XXYLT1: variants seen among roughly 807,000 people sequenced by gnomAD.
XXYLT1 encodes xyloside xylosyltransferase 1.
A neutral mutation model predicts 28.9 loss-of-function variants in XXYLT1; 20 were observed. That is an observed-to-expected ratio of 0.69 (90% confidence interval 0.49 to 1.00). The LOEUF is 1.00. Ranked by LOEUF, XXYLT1 falls within the 50% of genes least tolerant of loss-of-function variation. The pLI is 0.00. For missense variants in XXYLT1, 542 were observed against 560.1 expected (o/e 0.97, Z 0.33); for synonymous variants, 257 against 253.8 (o/e 1.01, Z -0.12).
chr3:195,248,048 C>G (rs1012773326), intron 1 of XXYLT1: 2 of 519,596 alleles, frequency 3.8e-6, no homozygotes, highest in Non-Finnish European at 6.9e-6. Flanking sequence ...TTATCAGCCA[C>G]TTTCCAAGGC....
At chr3:195,248,102 G>C (rs552300776) in intron 1 of XXYLT1, among the ~76,000 whole-genome samples, 1 of 152,140 alleles carries the variant, frequency 6.6e-6, no homozygotes, top group East Asian at 1.9e-4. Flanking sequence ...TCCAGTGCTC[G>C]CTGAGATTGG....
intron 1 of XXYLT1, 122 bp downstream of exon 1, chr3:195,270,433 A>C (rs1725981485): frequency 3.7e-6 from 5 of 1,338,130 alleles, no homozygotes; most frequent in Non-Finnish European, 3.8e-6. Context: ...CTACATTGCA[A>C]GCGGGCAGCT....
chr3:195,112,514 CCACACACACA>C (rs367884630), intron 3 of XXYLT1, among the ~76,000 whole-genome samples: 4,128 of 43,560 alleles, frequency 0.095, 69 homozygotes, highest in Non-Finnish European at 0.21. Context: ...CCACACACAC[CCACACACACA>C]CACAGAGCCC....
At chr3:195,250,293 T>C (rs779892056) in intron 1 of XXYLT1, among the ~76,000 whole-genome samples, 12 of 152,218 alleles carry the variant, frequency 7.9e-5, no homozygotes, top group Non-Finnish European at 1.5e-4. Flanking sequence ...CCGGGCGTGT[T>C]GGCTTACACC....
intron 2 of XXYLT1, among the ~76,000 whole-genome samples, chr3:195,181,377 A>C (rs1721948156): frequency 6.6e-6 from 1 of 151,944 alleles, no homozygotes; most frequent in South Asian, 2.1e-4. Context: ...TCTTCTACAC[A>C]TTTACCCCCT....
At chr3:195,155,583 G>A (rs760393069) in intron 3 of XXYLT1, among the ~76,000 whole-genome samples, 18 of 149,308 alleles carry the variant, frequency 1.2e-4, no homozygotes, top group Non-Finnish European at 2.4e-4. Flanking sequence ...ACACAAAAAA[G>A]TGCATGCAAA....
intron 1 of XXYLT1, chr3:195,247,677 C>T (rs1725084000): frequency 1.0e-5 from 6 of 598,090 alleles, no homozygotes; most frequent in Non-Finnish European, 3.1e-6. Flanking sequence ...GACCCCAGGG[C>T]AGGCTCAGCT....
At chr3:195,155,264 G>C (rs1054965771) in intron 3 of XXYLT1, among the ~76,000 whole-genome samples, 1 of 152,180 alleles carries the variant, frequency 6.6e-6, no homozygotes, top group Non-Finnish European at 1.5e-5. Context: ...TGACTCACTA[G>C]TTGCCTGTAC....
At chr3:195,089,494 C>T (rs2108659265) in intron 3 of XXYLT1, among the ~76,000 whole-genome samples, 1 of 151,940 alleles carries the variant, frequency 6.6e-6, no homozygotes, top group Non-Finnish European at 1.5e-5. Context: ...TTTGTCACCA[C>T]CAGGCCTGCC....
intron 2 of XXYLT1, among the ~76,000 whole-genome samples, chr3:195,167,449 G>T (rs1208454948): frequency 6.6e-6 from 1 of 152,084 alleles, no homozygotes; most frequent in African/African-American, 2.4e-5. Flanking sequence ...AAATTAGCCG[G>T]GAGTGGTGGT....
intron 2 of XXYLT1, among the ~76,000 whole-genome samples, chr3:195,157,832 C>A (rs758052788): frequency 7.2e-5 from 11 of 152,222 alleles, no homozygotes; most frequent in Non-Finnish European, 1.5e-4. Context: ...ACGAGTGCAA[C>A]TTCCAGTTCT....
At chr3:195,102,945 G>C (rs1181606000) in intron 3 of XXYLT1, among the ~76,000 whole-genome samples, 1 of 152,018 alleles carries the variant, frequency 6.6e-6, no homozygotes, top group African/African-American at 2.4e-5. Context: ...CAGCGTGCTG[G>C]GGCTCCCTCT....
At chr3:195,099,513 C>G (rs1716647193) in intron 3 of XXYLT1, among the ~76,000 whole-genome samples, 1 of 152,204 alleles carries the variant, frequency 6.6e-6, no homozygotes, top group Non-Finnish European at 1.5e-5. Context: ...TTAGCAAAGA[C>G]AGAACCATCT....
rs1725475768 is a variant in XXYLT1 at position 195,256,323 on chromosome 3, T to C, written c.504+14232A>G. 6.6e-6 allele frequency among the ~76,000 whole-genome samples: 1 copy of C among 152,178 alleles called. No homozygotes were observed. Among genetic ancestry groups the C allele is most frequent in the Non-Finnish European group, 1.5e-5 (1 of 68,028 alleles). On this transcript the variant is annotated intron_variant, in intron 1 of 3. Transcript: ENST00000310380. This position sits in a 1 kb window ranked among gnomAD's most constrained non-coding sequence, Gnocchi z 4.2. ...ATGGTGCCTGCCACCCAGGGTCTCC[T>C]GCGATGGTGGCAACTGTGGCTCATT... is the stretch of plus-strand genomic sequence containing the variant.
chr3:195,155,358 G>A (rs908115735), intron 3 of XXYLT1, among the ~76,000 whole-genome samples: 6 of 152,256 alleles, frequency 3.9e-5, no homozygotes, highest in Middle Eastern at 3.4e-3. Flanking sequence ...AACAAAGAGC[G>A]GGGCATGCCT....
At chr3:195,206,190 T>G (rs1331987010) in intron 2 of XXYLT1, among the ~76,000 whole-genome samples, 1 of 151,782 alleles carries the variant, frequency 6.6e-6, no homozygotes, top group Non-Finnish European at 1.5e-5. Flanking sequence ...TTTTGTATTT[T>G]TAGTAGAGAC....
At chr3:195,155,212 C>G (rs1720500105) in intron 3 of XXYLT1, among the ~76,000 whole-genome samples, 1 of 152,218 alleles carries the variant, frequency 6.6e-6, no homozygotes, top group African/African-American at 2.4e-5. Context: ...CGAGCTGAAG[C>G]TGCCTCTTCA....
chr3:195,159,236 G>A (rs1002259301), intron 2 of XXYLT1, among the ~76,000 whole-genome samples: 1 of 152,098 alleles, frequency 6.6e-6, no homozygotes, highest in African/African-American at 2.4e-5. Context: ...TTGAGAAAAC[G>A]CAACAAAAAG....
intron 3 of XXYLT1, among the ~76,000 whole-genome samples, chr3:195,143,784 T>TTATATCTA (rs1719612809): frequency 8.8e-6 from 1 of 113,958 alleles, no homozygotes; most frequent in Admixed American, 9.6e-5. Flanking sequence ...TGTTCTCTCA[T>TTATATCTA]TATATATATA....
Sources: gnomAD v4.1 joint callset for allele counts (sites outside exome capture counted in the v4.1 genomes callset) on GRCh38, gnomAD v4.1.1 for gene constraint, Gnocchi (gnomAD v3.1) non-coding constraint, MANE v1.5 for transcripts, NCBI Gene and HGNC (gene_info 2026-07-23, HGNC 2026-07-21) for gene names.